Variants in INPP4A observed in about 807,000 individuals in gnomAD.
INPP4A encodes the protein inositol polyphosphate-4-phosphatase type I A, also known as inositol polyphosphate-4-phosphatase, type I, 107kD.
Under a neutral mutation model 119.8 loss-of-function variants are expected in INPP4A, and 33 were observed. The observed-to-expected ratio is 0.28, with a 90% CI of 0.21 to 0.37. The LOEUF (loss-of-function observed/expected upper bound fraction) is 0.37. Ranked by LOEUF, INPP4A falls within the 10% of genes least tolerant of loss-of-function variation. INPP4A has a pLI of 1.00. For missense variants in INPP4A, 956 were observed against 1,289.9 expected (o/e 0.74, Z 3.97); for synonymous variants, 496 against 500.7 (o/e 0.99, Z 0.12).
At chr2:98,500,332 AG>A (rs555464083) in intron 1 of INPP4A, among the ~76,000 whole-genome samples, 1 of 152,002 alleles carries the variant, frequency 6.6e-6, no homozygotes, top group East Asian at 1.9e-4. Context: ...CCACTGTTTG[AG>A]GGGGGAAAAT....
chr2:98,496,812 T>C (rs1468943900), intron 1 of INPP4A, among the ~76,000 whole-genome samples: 1 of 152,140 alleles, frequency 6.6e-6, no homozygotes, highest in Non-Finnish European at 1.5e-5. Flanking sequence ...AGGAAACAGC[T>C]GTAAAGTGAG....
chr2:98,545,019 C>T (rs1429526825), intron 11 of INPP4A, among the ~76,000 whole-genome samples: 1 of 152,236 alleles, frequency 6.6e-6, no homozygotes, highest in Admixed American at 6.5e-5. Context: ...TCTCAAATGT[C>T]ACTGTGCACC....
At chr2:98,532,477 A>G (rs1189751119) in intron 4 of INPP4A, among the ~76,000 whole-genome samples, 1 of 152,232 alleles carries the variant, frequency 6.6e-6, no homozygotes, top group African/African-American at 2.4e-5. Context: ...GGCATTAAGT[A>G]TAGTCGTGTG....
chr2:98,567,120 T>C (rs2106369392), intron 21 of INPP4A, among the ~76,000 whole-genome samples: 1 of 152,152 alleles, frequency 6.6e-6, no homozygotes, highest in East Asian at 1.9e-4. Flanking sequence ...GTAGGTCGTT[T>C]CGCTGGCACG....
chr2:98,588,886 C>T lies in INPP4A; in HGVS notation c.*1278C>T, dbSNP rs1700179245. On this transcript the variant is annotated 3_prime_UTR_variant, in exon 25 of 25. Coordinates refer to ENST00000409851, the MANE Select transcript of INPP4A (RefSeq NM_001134225.2). The stretch of plus-strand genomic sequence containing the variant: ...ATGGCACATATTAATGATGCTGATC[C>T]TAATGATTTGTGAACCTCTTAGAAA... 4.8e-6 allele frequency: 1 copy of T among 206,802 alleles called. No homozygotes were observed. Among genetic ancestry groups the T allele is most frequent in the South Asian group, 1.9e-4 (1 of 5,296 alleles). 12.8% of individuals were successfully genotyped at this position (206,802 alleles called of 1,614,324 possible).
At chr2:98,529,421 CA>C (rs1339662106) in intron 4 of INPP4A, among the ~76,000 whole-genome samples, 4 of 152,068 alleles carry the variant, frequency 2.6e-5, no homozygotes, top group African/African-American at 7.2e-5. Context: ...GATGGTTGCA[CA>C]ACTCTGAATG....
At chr2:98,462,829 G>C (rs1330297376) in intron 1 of INPP4A, among the ~76,000 whole-genome samples, 1 of 152,002 alleles carries the variant, frequency 6.6e-6, no homozygotes, top group Non-Finnish European at 1.5e-5. Context: ...CCAACACACA[G>C]ACATTTTATT....
At chr2:98,538,198 G>T (rs2105975311) in intron 8 of INPP4A, among the ~76,000 whole-genome samples, 1 of 152,314 alleles carries the variant, frequency 6.6e-6, no homozygotes, top group Non-Finnish European at 1.5e-5. Flanking sequence ...TCTGTTCTGG[G>T]TGCCACACTG....
At chr2:98,479,154 ATTATTCGCTGATTT>A in intron 1 of INPP4A, among the ~76,000 whole-genome samples, 1 of 152,114 alleles carries the variant, frequency 6.6e-6, no homozygotes, top group East Asian at 1.9e-4. Context: ...CACTCAAGAT[ATTATTCGCTGATTT>A]TTATCACCTT....
intron 1 of INPP4A, among the ~76,000 whole-genome samples, chr2:98,504,769 T>C (rs1683733404): frequency 6.6e-6 from 1 of 152,260 alleles, no homozygotes; most frequent in Non-Finnish European, 1.5e-5. Flanking sequence ...AAACAGAGCC[T>C]GCCTGACTCC....
rs1677351602 is a variant in INPP4A, at chr2:98,476,926, C to T, written c.-166+31841C>T. On this transcript the variant is annotated intron_variant, in intron 1 of 24. Coordinates refer to ENST00000409851, the MANE Select transcript of INPP4A (RefSeq NM_001134225.2). ...CAGCCCCTTCCTTGCTGTCCTTGAT[C>T]CAGCGGCATGGCCTGAGTGCCTCCA... Among the ~76,000 whole-genome samples, 5 of 152,336 alleles carry T rather than the reference C, an allele frequency of 3.3e-5. No homozygotes were observed. In the South Asian group the frequency reaches 1.0e-3, roughly 32 times the overall value.
Position 98,587,706 on chromosome 2 carries a change from A to T in INPP4A, c.*98A>T. 9.7e-7 allele frequency: 1 copy of T among 1,027,584 alleles called. No homozygotes were observed. The highest frequency in any genetic ancestry group is 1.4e-6 in the Non-Finnish European group (1 of 717,972). 63.7% of individuals were successfully genotyped at this position (1,027,584 alleles called of 1,614,324 possible). Reference sequence around the variant, plus strand: ...AAGAAGACCTGAAGGATTGGTTTTTATTTTTTGTGGTTTTTTTAAAAAAAA... The same window carrying T: ...AAGAAGACCTGAAGGATTGGTTTTTTTTTTTTGTGGTTTTTTTAAAAAAAA... On this transcript the variant is annotated 3_prime_UTR_variant, in exon 25 of 25. Coordinates refer to ENST00000409851, the MANE Select transcript of INPP4A (RefSeq NM_001134225.2).
In INPP4A at chr2:98,541,077, C is replaced by G. The variant is rs181024555; in HGVS notation, c.818+1402C>G. Among the ~76,000 whole-genome samples the G allele has an allele frequency of 4.6e-4, 70 of 152,306 alleles. No individual in the cohort carries two copies. The Middle Eastern group carries it at 0.014, about 30-fold the overall frequency. On this transcript the variant is annotated intron_variant, in intron 10 of 24. Transcript: ENST00000409851. ...GCGCAGTGGCTCACGCCTGTAATCC[C>G]AGCACTTTGGGAGGCTGAGGCAGGT...
chr2:98,567,240 G>A (rs1242228742), intron 21 of INPP4A, among the ~76,000 whole-genome samples: 1 of 152,208 alleles, frequency 6.6e-6, no homozygotes. Context: ...GTTCTGCAGA[G>A]GGGTAGGCTG....
chr2:98,588,075 A>G lies in INPP4A; in HGVS notation c.*467A>G. The G allele has an allele frequency of 4.7e-6, 1 of 214,108 alleles. No homozygotes were observed. Among genetic ancestry groups the G allele is most frequent in the Non-Finnish European group, 9.4e-6 (1 of 106,080 alleles). 13.3% of individuals were successfully genotyped at this position (214,108 alleles called of 1,614,324 possible). On this transcript the variant is annotated 3_prime_UTR_variant, in exon 25 of 25. Transcript: ENST00000409851. ...AAATAATTGGATCCTAGGCATACCA[A>G]TAAATGTTATTTGGGGAAAGAAGCT...
chr2:98,501,369 C>A (rs1683088847), intron 1 of INPP4A, among the ~76,000 whole-genome samples: 1 of 152,098 alleles, frequency 6.6e-6, no homozygotes, highest in Non-Finnish European at 1.5e-5. Context: ...ACCTGTGGAC[C>A]ACAGTACAAG....
intron 1 of INPP4A, among the ~76,000 whole-genome samples, chr2:98,491,076 A>G (rs1273882904): frequency 1.3e-5 from 2 of 152,244 alleles, no homozygotes; most frequent in Admixed American, 1.3e-4. Context: ...CAATAGTAGG[A>G]ACAACAAGTT....
chr2:98,564,982 A>G (rs1696169359), intron 19 of INPP4A, among the ~76,000 whole-genome samples: 1 of 152,254 alleles, frequency 6.6e-6, no homozygotes, highest in African/African-American at 2.4e-5. Context: ...CTTAACCAGT[A>G]ACTTCCTGTT....
At chr2:98,553,467 G>A (rs569730465) in intron 14 of INPP4A, among the ~76,000 whole-genome samples, 5 of 152,254 alleles carry the variant, frequency 3.3e-5, no homozygotes, top group Admixed American at 3.3e-4. Flanking sequence ...AATCCCTACT[G>A]AGGAAGTGGC....
Sources: allele counts gnomAD v4.1 joint callset (sites outside exome capture counted in the v4.1 genomes callset), GRCh38; gene constraint gnomAD v4.1.1; transcripts MANE v1.5; gene names NCBI Gene and HGNC (gene_info 2026-07-23, HGNC 2026-07-21).